The following GLB1 variants were observed in gnomAD, a reference collection of about 807,000 sequenced individuals.
The protein encoded by GLB1 is beta-galactosidase.
A neutral mutation model predicts 74.0 loss-of-function variants in GLB1; 56 were observed. That is an observed-to-expected ratio of 0.76 (90% confidence interval 0.61 to 0.94). The LOEUF (loss-of-function observed/expected upper bound fraction) is 0.94. GLB1 is among the 40% of genes least tolerant of loss of function. The pLI, the probability that GLB1 is intolerant of heterozygous loss-of-function variation, is 0.00. For missense variants in GLB1, 787 were observed against 845.5 expected (o/e 0.93, Z 0.86); for synonymous variants, 323 against 323.6 (o/e 1.00, Z 0.02).
At chr3:33,041,317 C>T (rs910261923) in intron 10 of GLB1, among the ~76,000 whole-genome samples, 13 of 152,262 alleles carry the variant, frequency 8.5e-5, no homozygotes, top group Admixed American at 4.6e-4. Flanking sequence ...TCAGCAGCAA[C>T]AATAAAAGCC....
At chr3:32,969,278 G>T in the GLB1 span, among the ~76,000 whole-genome samples, 37 of 152,254 alleles carry the variant, frequency 2.4e-4, no homozygotes, top group African/African-American at 8.9e-4. Flanking sequence ...CTAGCAAAAG[G>T]CCAAAAGACA....
chr3:33,017,655 A>G (rs1043676208), intron 13 of GLB1, among the ~76,000 whole-genome samples: 10 of 152,232 alleles, frequency 6.6e-5, no homozygotes, highest in Non-Finnish European at 5.9e-5. Context: ...TTGTTATGAA[A>G]CACGGTTCTT....
chr3:33,071,021 A>G (rs1431840674), intron 2 of GLB1, among the ~76,000 whole-genome samples: 1 of 152,226 alleles, frequency 6.6e-6, no homozygotes, highest in African/African-American at 2.4e-5. Flanking sequence ...AGATTTTGTC[A>G]GGAATCATGT....
At chr3:33,082,886 G>A (rs1700372969) in intron 1 of GLB1, among the ~76,000 whole-genome samples, 1 of 152,102 alleles carries the variant, frequency 6.6e-6, no homozygotes, top group South Asian at 2.1e-4. Context: ...CAAAAACCTA[G>A]AAAAGCCACA....
chr3:33,045,115 A>T (rs533774713), intron 10 of GLB1, among the ~76,000 whole-genome samples: 2 of 152,230 alleles, frequency 1.3e-5, no homozygotes, highest in African/African-American at 4.8e-5. Flanking sequence ...CACTTATTAG[A>T]CATATATGTG....
At chr3:33,032,284 T>C (rs369200464) in intron 10 of GLB1, among the ~76,000 whole-genome samples, 2 of 152,170 alleles carry the variant, frequency 1.3e-5, no homozygotes, top group East Asian at 1.9e-4. Flanking sequence ...TGCGCCAACC[T>C]TTCCGACTTC....
intron 15 of GLB1, among the ~76,000 whole-genome samples, chr3:33,011,128 A>C (rs960721336): frequency 1.3e-5 from 2 of 152,096 alleles, no homozygotes; most frequent in African/African-American, 4.8e-5. Context: ...AAGTGCTGGG[A>C]TTTACAGGCA....
intron 2 of GLB1, among the ~76,000 whole-genome samples, chr3:33,070,711 G>A (rs892962572): frequency 3.3e-5 from 5 of 152,102 alleles, no homozygotes; most frequent in African/African-American, 4.8e-5. Context: ...ATTAGCTGGT[G>A]TGGTAGCAGT....
intron 6 of GLB1, among the ~76,000 whole-genome samples, chr3:33,054,089 T>C (rs1439784167): frequency 6.6e-6 from 1 of 151,998 alleles, no homozygotes; most frequent in East Asian, 1.9e-4. Context: ...CCTGACCATG[T>C]GAGGGCACAG....
At chr3:33,091,912 A>G (rs1700779681) in intron 1 of GLB1, 1 of 985,364 alleles carries the variant, frequency 1.0e-6, no homozygotes, top group African/African-American at 1.7e-5. Flanking sequence ...CAAAAGGGCA[A>G]AAGCACCGCT....
In GLB1 at chr3:33,040,255, T is replaced by C. The variant is rs139495625; in HGVS notation, c.1068+5865A>G. 2.8e-3 allele frequency among the ~76,000 whole-genome samples: 430 copies of C among 152,200 alleles called. 2 individuals are homozygous for C. The highest frequency in any genetic ancestry group is 9.9e-3 in the African/African-American group (411 of 41,524). On this transcript the variant is annotated intron_variant, in intron 10 of 15. Coordinates refer to ENST00000307363, the MANE Select transcript of GLB1 (RefSeq NM_000404.4). ...CACTGCTTCTGTAGTACAAAAAAAA[T>C]CCCTCAATTTAAGATTTTAATTTAA... is the stretch of plus-strand genomic sequence containing the variant.
At chr3:32,988,538 G>C in the GLB1 span, among the ~76,000 whole-genome samples, 3 of 152,190 alleles carry the variant, frequency 2.0e-5, no homozygotes, top group Non-Finnish European at 2.9e-5. Context: ...GAGATGGGTG[G>C]CTCCTTCCTA....
chr3:32,990,178 C>T, the GLB1 span, among the ~76,000 whole-genome samples: 3 of 152,330 alleles, frequency 2.0e-5, no homozygotes, highest in East Asian at 5.8e-4. Context: ...GACCCTGGAT[C>T]TCTGCAGATG....
In GLB1 at chr3:33,074,377, G is replaced by GAAAGAAAGAAAGAAAGA. The variant is rs1559412898; in HGVS notation, c.76-1665_76-1664insTCTTTCTTTCTTTCTTT. Among the ~76,000 whole-genome samples the GAAAGAAAGAAAGAAAGA allele has an allele frequency of 2.9e-3, 24 of 8,176 alleles. 1 individual carries two copies. Among genetic ancestry groups the GAAAGAAAGAAAGAAAGA allele is most frequent in the East Asian group, 0.1 (1 of 10 alleles). The allele number at this position is 8,176 out of a possible 152,430, so 5.4% of individuals were successfully genotyped here. ...GGAAGGAAGGAAGGAAGGAAGGAAG[G>GAAAGAAAGAAAGAAAGA]AAGGAAGGAAGGAAGAAAGAAAGAA... On this transcript the variant is annotated intron_variant, in intron 1 of 15. Transcript: ENST00000307363.
chr3:33,036,483 C>G (rs763220356), intron 10 of GLB1, among the ~76,000 whole-genome samples: 56 of 151,956 alleles, frequency 3.7e-4, no homozygotes, highest in Non-Finnish European at 2.9e-5. Context: ...GAAAATAATT[C>G]TAAAAATAAG....
intron 10 of GLB1, among the ~76,000 whole-genome samples, chr3:33,031,337 A>C (rs1697996054): frequency 6.6e-6 from 1 of 152,102 alleles, no homozygotes; most frequent in South Asian, 2.1e-4. Context: ...GAATGTCTAC[A>C]AAGTCTCATA....
intron 15 of GLB1, among the ~76,000 whole-genome samples, chr3:32,998,428 A>G (rs1696404184): frequency 1.3e-5 from 2 of 152,082 alleles, no homozygotes; most frequent in African/African-American, 4.8e-5. Context: ...GAATCACTTG[A>G]ACCCAGGGAG....
chr3:33,007,855 C>T (rs78320489), intron 15 of GLB1, among the ~76,000 whole-genome samples: 2,119 of 152,288 alleles, frequency 0.014, 45 homozygotes, highest in African/African-American at 0.049. Context: ...AGTTCCTCAC[C>T]GGTTCTCAAT....
At position 33,097,142 on chromosome 3, in the gene GLB1, T is replaced by C. The variant is rs375278103; in HGVS notation, c.-57A>G. On this transcript the variant is annotated 5_prime_UTR_variant, in exon 1 of 16. Coordinates refer to ENST00000307363, the MANE Select transcript of GLB1 (RefSeq NM_000404.4). ...CCCAGGCCGGCCGCTTCGCGTCACT[T>C]GACTAAGGACCCACGGCCTGGCACC... 3.1e-6 allele frequency: 5 copies of C among 1,597,722 alleles called. No homozygotes were observed. Among genetic ancestry groups the C allele is most frequent in the Non-Finnish European group, 4.3e-6 (5 of 1,171,514 alleles).
Sources: gnomAD v4.1 joint callset for allele counts (sites outside exome capture counted in the v4.1 genomes callset) on GRCh38, gnomAD v4.1.1 for gene constraint, MANE v1.5 for transcripts, NCBI Gene and HGNC (gene_info 2026-07-23, HGNC 2026-07-21) for gene names.